Variants in MAGI3 observed in about 807,000 individuals in gnomAD.
MAGI3 encodes the protein membrane associated guanylate kinase, WW and PDZ domain containing 3.
MAGI3 carries 43 observed loss-of-function variants against 121.8 expected under a neutral mutation model. That is an observed-to-expected ratio of 0.35 (90% CI 0.28 to 0.46). The LOEUF is 0.46. MAGI3 is among the 20% of genes least tolerant of loss of function. The pLI is 1.00. For synonymous variants in MAGI3, 553 were observed against 639.3 expected, an observed-to-expected ratio of 0.86 and a Z score of 2.04; for missense variants, 1,547 against 1,797.3, an observed-to-expected ratio of 0.86 and a Z score of 2.52.
chr1:113,641,023 A>ATATATATGATATAT (rs1652451546), intron 9 of MAGI3, among the ~76,000 whole-genome samples: 6 of 24,648 alleles, frequency 2.4e-4, no homozygotes, highest in South Asian at 3.2e-3. Flanking sequence ...ATGATATATA[A>ATATATATGATATAT]TATATATGAT....
intron 1 of MAGI3, among the ~76,000 whole-genome samples, chr1:113,529,538 T>C (rs755679064): frequency 2.2e-4 from 33 of 152,118 alleles, no homozygotes; most frequent in Admixed American, 9.8e-4. Context: ...ACCATTACAC[T>C]GGGGGTTAGG....
intron 1 of MAGI3, among the ~76,000 whole-genome samples, chr1:113,394,422 A>C (rs115650066): frequency 6.6e-6 from 1 of 152,192 alleles, no homozygotes; most frequent in Non-Finnish European, 1.5e-5. Flanking sequence ...GCAAAGAGAA[A>C]AGTTGTCATT....
Position 113,491,265 on chromosome 1 carries a change from C to T in MAGI3, c.317-58250C>T, listed in dbSNP as rs542124936. The stretch of plus-strand genomic sequence containing the variant: ...TACATGGCAATTGGATAACCTGCTC[C>T]TGAATAAACTCTTGGATAAATAATG... On this transcript the variant is annotated intron_variant, in intron 1 of 20. Transcript: ENST00000307546. Among the ~76,000 whole-genome samples, 5 of 152,262 alleles carry T rather than the reference C, an allele frequency of 3.3e-5. No individual in the cohort carries two copies. In the South Asian group the frequency reaches 1.0e-3, roughly 32 times the overall value.
intron 1 of MAGI3, among the ~76,000 whole-genome samples, chr1:113,533,482 T>C (rs1244819646): frequency 3.3e-5 from 5 of 152,090 alleles, no homozygotes; most frequent in Non-Finnish European, 7.4e-5. Flanking sequence ...ACTTATTGGG[T>C]AGTATGCTCA....
chr1:113,582,632 T>C (rs2101722467), intron 3 of MAGI3, among the ~76,000 whole-genome samples: 1 of 152,134 alleles, frequency 6.6e-6, no homozygotes, highest in East Asian at 1.9e-4. Context: ...AACAATAGTA[T>C]TTACATGTTA....
chr1:113,603,794 T>C (rs1444117890), intron 6 of MAGI3, among the ~76,000 whole-genome samples: 1 of 151,406 alleles, frequency 6.6e-6, no homozygotes, highest in African/African-American at 2.4e-5. Flanking sequence ...AATAAATAAA[T>C]AAAACCCACC....
At chr1:113,553,300 C>G (rs1011599173) in intron 2 of MAGI3, among the ~76,000 whole-genome samples, 6 of 152,064 alleles carry the variant, frequency 3.9e-5, no homozygotes. Context: ...GTTCAAGAAG[C>G]CTGAGGTATC....
intron 15 of MAGI3, among the ~76,000 whole-genome samples, chr1:113,656,249 A>G (rs571033471): frequency 6.6e-6 from 1 of 152,246 alleles, no homozygotes; most frequent in East Asian, 1.9e-4. Flanking sequence ...TTTATTTTTC[A>G]CATATAGACA....
At chr1:113,439,647 A>G (rs1653814476) in intron 1 of MAGI3, among the ~76,000 whole-genome samples, 1 of 152,190 alleles carries the variant, frequency 6.6e-6, no homozygotes, top group Non-Finnish European at 1.5e-5. Context: ...AGAACACTCA[A>G]TTGTTAGACT....
At chr1:113,680,846 C>G (rs1168994684) in intron 19 of MAGI3, among the ~76,000 whole-genome samples, 1 of 151,954 alleles carries the variant, frequency 6.6e-6, no homozygotes, top group Non-Finnish European at 1.5e-5. Context: ...AAATCAAGAA[C>G]CAAATTCTAG....
At chr1:113,623,453 TACACACACAC>T (rs796174057) in intron 9 of MAGI3, among the ~76,000 whole-genome samples, 6 of 126,096 alleles carry the variant, frequency 4.8e-5, no homozygotes, top group South Asian at 2.6e-4. Flanking sequence ...TACACACACA[TACACACACAC>T]ACACACACAC....
intron 19 of MAGI3, among the ~76,000 whole-genome samples, chr1:113,675,006 T>A (rs1312236595): frequency 6.6e-6 from 1 of 152,168 alleles, no homozygotes; most frequent in Admixed American, 6.5e-5. Flanking sequence ...GAACTTCAAA[T>A]GGTTGAGTTT....
chr1:113,680,220 G>A (rs1349730273), intron 19 of MAGI3, among the ~76,000 whole-genome samples: 1 of 152,168 alleles, frequency 6.6e-6, no homozygotes, highest in African/African-American at 2.4e-5. Context: ...TCAAAGATAA[G>A]AGCCCTCTGC....
intron 1 of MAGI3, among the ~76,000 whole-genome samples, chr1:113,520,610 T>C (rs1658130520): frequency 6.6e-6 from 1 of 152,114 alleles, no homozygotes; most frequent in South Asian, 2.1e-4. Flanking sequence ...TTCTTTCTTC[T>C]TCTTTTTTTT....
intron 1 of MAGI3, among the ~76,000 whole-genome samples, chr1:113,493,526 A>T (rs1656765304): frequency 6.6e-6 from 1 of 152,218 alleles, no homozygotes; most frequent in Non-Finnish European, 1.5e-5. Context: ...AAATTGACAA[A>T]TGGGATCTAA....
intron 10 of MAGI3, 71 bp from the exon 11 acceptor site, chr1:113,643,672 A>C: frequency 7.0e-7 from 1 of 1,431,246 alleles, no homozygotes; most frequent in Non-Finnish European, 9.9e-7. Flanking sequence ...GTTTTATCGT[A>C]AACATTAGCA....
At chr1:113,660,791 T>C (rs12066795) in intron 16 of MAGI3, among the ~76,000 whole-genome samples, 1 of 132,114 alleles carries the variant, frequency 7.6e-6, no homozygotes, top group South Asian at 2.3e-4. Context: ...TTTTTTGAGA[T>C]AGGGGTCTCA....
intron 1 of MAGI3, among the ~76,000 whole-genome samples, chr1:113,448,976 A>G (rs1014056010): frequency 6.6e-6 from 1 of 152,002 alleles, no homozygotes; most frequent in African/African-American, 2.4e-5. Context: ...AAATTAGCCC[A>G]GCGTGGTGGT....
intron 1 of MAGI3, among the ~76,000 whole-genome samples, chr1:113,539,154 G>T (rs1334191312): frequency 1.3e-5 from 2 of 152,106 alleles, no homozygotes; most frequent in Non-Finnish European, 2.9e-5. Flanking sequence ...CAGCACTTTG[G>T]GAGGCCAGGG....
Sources: allele counts gnomAD v4.1 joint callset (sites outside exome capture counted in the v4.1 genomes callset), GRCh38; gene constraint gnomAD v4.1.1; transcripts MANE v1.5; gene names NCBI Gene and HGNC (gene_info 2026-07-23, HGNC 2026-07-21).